The following ITSN1 variants were observed in gnomAD, a reference collection of about 807,000 sequenced individuals.
ITSN1 encodes the protein intersectin 1.
In ITSN1, 58 loss-of-function variants were observed where a neutral mutation model predicts 239.8. That is an observed-to-expected ratio of 0.24 (90% CI 0.20 to 0.30). The LOEUF (loss-of-function observed/expected upper bound fraction) is 0.30. Among genes scored for constraint, ITSN1 ranks in the 10% least tolerant of loss-of-function variants. The probability of loss-of-function intolerance (pLI) is 1.00; values close to 1 mark genes in which losing one functional copy is unlikely to be tolerated. For missense variants in ITSN1, 1,558 were observed against 2,103.3 expected, an observed-to-expected ratio of 0.74 and a Z score of 5.07; for synonymous variants, 780 against 770.8, an observed-to-expected ratio of 1.01 and a Z score of -0.20.
At chr21:33,654,752 G>C (rs1364643959) in intron 1 of ITSN1, among the ~76,000 whole-genome samples, 3 of 152,198 alleles carry the variant, frequency 2.0e-5, no homozygotes, top group African/African-American at 7.2e-5. Context: ...GTTATGTTCT[G>C]CTGTCTGGGG....
intron 1 of ITSN1, among the ~76,000 whole-genome samples, chr21:33,694,018 A>C (rs1238253237): frequency 1.3e-5 from 2 of 151,928 alleles, no homozygotes; most frequent in Non-Finnish European, 2.9e-5. Context: ...CATTATATGG[A>C]TATATCTTTT....
intron 18 of ITSN1, among the ~76,000 whole-genome samples, chr21:33,799,532 A>G (rs2071815399): frequency 6.6e-6 from 1 of 152,186 alleles, no homozygotes; most frequent in Non-Finnish European, 1.5e-5. Flanking sequence ...AGGCAGAGAC[A>G]AGGGACCTTT....
In ITSN1 at chr21:33,813,948, A is replaced by T; in HGVS notation, c.2603A>T (p.Asp868Val). ...AGCACGAATGAGAAACCAGAAACGG[A>T]TAACTGGGATGCATGGGCAGCCCAG... is the stretch of plus-strand genomic sequence containing the variant. ...PTSTNEKPET[D>V]NWDAWAAQPS... Residue 868 changes from aspartate to valine, a missense_variant, in exon 22 of 40, where the codon GAT becomes GTT. Physicochemically the swap from Asp to Val is radical, Grantham distance 152 (BLOSUM62 -3). Coordinates refer to ENST00000381318, the MANE Select transcript of ITSN1 (RefSeq NM_003024.3). 2.5e-6 allele frequency: 4 copies of T among 1,613,904 alleles called. No individual in the cohort carries two copies. Among genetic ancestry groups the T allele is most frequent in the Non-Finnish European group, 3.4e-6 (4 of 1,179,982 alleles).
intron 1 of ITSN1, among the ~76,000 whole-genome samples, chr21:33,671,967 G>C (rs997593176): frequency 6.6e-6 from 1 of 152,030 alleles, no homozygotes; most frequent in Non-Finnish European, 1.5e-5. Flanking sequence ...TCTTGGCTGG[G>C]CACAGTGACT....
intron 33 of ITSN1, among the ~76,000 whole-genome samples, chr21:33,874,219 G>A (rs1464523928): frequency 1.3e-5 from 2 of 151,530 alleles, no homozygotes; most frequent in African/African-American, 4.9e-5. Flanking sequence ...GTGGTCTGTG[G>A]TGGGGCAGGG....
At chr21:33,791,831 C>T (rs1359281950) in intron 16 of ITSN1, among the ~76,000 whole-genome samples, 1 of 152,120 alleles carries the variant, frequency 6.6e-6, no homozygotes, top group Admixed American at 6.5e-5. Flanking sequence ...CTCATGAATA[C>T]ATTTTTTCCT....
intron 37 of ITSN1, 140 bp downstream of exon 37, chr21:33,885,263 G>T: frequency 2.1e-6 from 2 of 948,178 alleles, no homozygotes; most frequent in South Asian, 2.9e-5. Flanking sequence ...AGCTTGGGGT[G>T]GGATGCAGAT....
rs1196953096 is a variant in ITSN1 at position 33,892,133 on chromosome 21, G to A, written c.*3833G>A. 2.0e-5 allele frequency: 3 copies of A among 152,198 alleles called. No individual in the cohort carries two copies. Among genetic ancestry groups the A allele is most frequent in the African/African-American group, 7.2e-5 (3 of 41,438 alleles). 9.4% of individuals were successfully genotyped at this position (152,198 alleles called of 1,614,324 possible). A position where few individuals can be genotyped will look rare whatever the true frequency, so the allele number is the denominator to read the frequency against. ...AGATATGCTTGTTTACAAGTTTAGAGCATCCTATGCCAGAAAGTGAGATGA... is the reference window on the plus strand; with the variant it reads ...AGATATGCTTGTTTACAAGTTTAGAACATCCTATGCCAGAAAGTGAGATGA... On this transcript the variant is annotated 3_prime_UTR_variant, in exon 40 of 40. Transcript: ENST00000381318.
intron 1 of ITSN1, among the ~76,000 whole-genome samples, chr21:33,681,663 GT>G (rs1479390165): frequency 7.9e-6 from 1 of 127,278 alleles, no homozygotes; most frequent in Admixed American, 7.9e-5. Flanking sequence ...TTTATTTTTT[GT>G]TTTGTTTTTG....
intron 1 of ITSN1, among the ~76,000 whole-genome samples, chr21:33,646,983 C>G (rs571117938): frequency 2.2e-4 from 33 of 147,510 alleles, no homozygotes; most frequent in African/African-American, 6.0e-4. Flanking sequence ...AAGGCCCTGT[C>G]TCAAAAAAAA....
chr21:33,647,782 C>G (rs1301509737), intron 1 of ITSN1, among the ~76,000 whole-genome samples: 1 of 152,212 alleles, frequency 6.6e-6, no homozygotes, highest in African/African-American at 2.4e-5. Flanking sequence ...AGGCGTGAGC[C>G]ACCACACCCA....
intron 1 of ITSN1, among the ~76,000 whole-genome samples, chr21:33,684,617 G>C (rs2091144640): frequency 6.6e-6 from 1 of 151,798 alleles, no homozygotes; most frequent in African/African-American, 2.4e-5. Context: ...TCAGAAAGAG[G>C]GTCTCTTATT....
At chr21:33,737,000 A>G (rs780864082) in intron 5 of ITSN1, among the ~76,000 whole-genome samples, 8 of 152,148 alleles carry the variant, frequency 5.3e-5, no homozygotes, top group Non-Finnish European at 7.3e-5. Flanking sequence ...ACAAAAACAA[A>G]AAACAACGGT....
rs796797052 is a variant in ITSN1 at position 33,663,608 on chromosome 21, C to CT, written c.-33+20906dup. On this transcript the variant is annotated intron_variant, in intron 1 of 39. Transcript: ENST00000381318. ...ACATACCTAACCTGGTGATTAAATT[C>CT]TTTTTTTTTTTGAGATGGAGTTTTG... Among the ~76,000 whole-genome samples, 508 of 147,730 alleles carry CT rather than the reference C, an allele frequency of 3.4e-3. 4 individuals are homozygous for CT. The highest frequency in any genetic ancestry group is 5.6e-3 in the Non-Finnish European group (375 of 66,398).
intron 4 of ITSN1, among the ~76,000 whole-genome samples, chr21:33,732,491 A>G (rs1380317124): frequency 1.3e-5 from 2 of 152,196 alleles, no homozygotes; most frequent in African/African-American, 4.8e-5. Context: ...CTGTCATTCT[A>G]AACAATGAAC....
In ITSN1 at chr21:33,800,038, T is replaced by C. The variant is rs2071859718; in HGVS notation, c.2304+109T>C. The C allele has an allele frequency of 4.7e-6, 5 of 1,062,134 alleles. No homozygotes were observed. In the Admixed American group the frequency reaches 1.4e-4, roughly 30 times the overall value. 65.8% of individuals were successfully genotyped at this position (1,062,134 alleles called of 1,614,324 possible). Reference sequence around the variant, plus strand: ...GATTGTCAGTGAGTATGAAACCCAATAATCCAGCATCTAGATTTTTAAAGT... The same window carrying C: ...GATTGTCAGTGAGTATGAAACCCAACAATCCAGCATCTAGATTTTTAAAGT... On this transcript the variant is annotated intron_variant, in intron 19 of 39. Coordinates refer to ENST00000381318, the MANE Select transcript of ITSN1 (RefSeq NM_003024.3).
rs1985559330 is a variant in ITSN1, at chr21:33,885,092, T to C, written c.4728T>C (p.Thr1576=). 6.2e-7 allele frequency: 1 copy of C among 1,613,940 alleles called. No individual in the cohort carries two copies. The highest frequency in any genetic ancestry group is 1.7e-5 in the Admixed American group (1 of 59,994). ...IKAASELYIE[T]EKKKREKAYL... is the part of the protein sequence containing the mutation. ...CTGCTTCTGAACTCTACATAGAGACTGAGAAAAAGAAGCGCGAGAAAGCGT... is the reference window on the plus strand; with the variant it reads ...CTGCTTCTGAACTCTACATAGAGACCGAGAAAAAGAAGCGCGAGAAAGCGT... Residue 1576 remains threonine, a synonymous_variant, in exon 37 of 40, where the codon ACT becomes ACC. Coordinates refer to ENST00000381318, the MANE Select transcript of ITSN1 (RefSeq NM_003024.3).
Position 33,888,184 on chromosome 21 carries a change from G to T in ITSN1, c.5050G>T (p.Asp1684Tyr). 1 of 1,614,122 alleles carries T rather than the reference G, an allele frequency of 6.2e-7. No homozygotes were observed. Among genetic ancestry groups the T allele is most frequent in the Non-Finnish European group, 8.5e-7 (1 of 1,180,002 alleles). The change falls in exon 40 of 40, where the codon GAC becomes TAC. Residue 1684 changes from aspartate to tyrosine, a missense_variant. By Grantham distance (160) the Asp-to-Tyr change is radical. Coordinates refer to ENST00000381318, the MANE Select transcript of ITSN1 (RefSeq NM_003024.3). ...FLGRTEIRVA[D>Y]IKKDQGSKGP... The stretch of plus-strand genomic sequence containing the variant: ...GGGTCGGACGGAGATCCGTGTGGCG[G>T]ACATCAAGAAAGACCAGGGCTCCAA...
intron 29 of ITSN1, chr21:33,836,926 C>A: frequency 7.0e-7 from 1 of 1,426,796 alleles, no homozygotes; most frequent in Non-Finnish European, 9.8e-7. Flanking sequence ...ACTCATTTTC[C>A]TAGCTTGAAT....
Sources: allele counts gnomAD v4.1 joint callset (sites outside exome capture counted in the v4.1 genomes callset), GRCh38; gene constraint gnomAD v4.1.1; transcripts MANE v1.5; gene names NCBI Gene and HGNC (gene_info 2026-07-23, HGNC 2026-07-21).